The following WRN variants were observed in gnomAD, a reference collection of about 807,000 sequenced individuals.
WRN encodes the protein WRN RecQ like helicase.
A neutral mutation model predicts 180.7 loss-of-function variants in WRN; 149 were observed. That is an observed-to-expected ratio of 0.82 (90% CI 0.72 to 0.94). WRN has a LOEUF of 0.94. WRN is among the 40% of genes least tolerant of loss of function. The pLI is 0.00. For missense variants in WRN, 1,661 were observed against 1,700.1 expected, an observed-to-expected ratio of 0.98 and a Z score of 0.40; for synonymous variants, 548 against 568.9, an observed-to-expected ratio of 0.96 and a Z score of 0.52.
At chr8:31,036,341 C>T (rs1811452111) in intron 1 of WRN, among the ~76,000 whole-genome samples, 1 of 152,184 alleles carries the variant, frequency 6.6e-6, no homozygotes, top group South Asian at 2.1e-4. Flanking sequence ...GTGCAGATAG[C>T]TCTTTGACAT....
chr8:31,117,301 C>T (rs1471962910), intron 20 of WRN, among the ~76,000 whole-genome samples: 3 of 151,726 alleles, frequency 2.0e-5, no homozygotes, highest in Non-Finnish European at 2.9e-5. Context: ...CTTGGAGTGC[C>T]GCAGAATCAT....
intron 21 of WRN, 44 bp from the exon 22 acceptor site, chr8:31,124,478 G>T: frequency 3.5e-6 from 5 of 1,410,432 alleles, no homozygotes; most frequent in South Asian, 2.4e-5. Flanking sequence ...TAAGAAAGTT[G>T]CCAATACAGT....
At chr8:31,079,913 T>G (rs1813233531) in intron 8 of WRN, among the ~76,000 whole-genome samples, 1 of 152,150 alleles carries the variant, frequency 6.6e-6, no homozygotes, top group Admixed American at 6.5e-5. Flanking sequence ...ATTGCTCTTG[T>G]CGCCCAGGCT....
chr8:31,046,535 C>T (rs534292119), intron 1 of WRN, among the ~76,000 whole-genome samples: 4 of 152,270 alleles, frequency 2.6e-5, no homozygotes, highest in East Asian at 3.9e-4. Context: ...CTACTTCAAG[C>T]CTCTGTTTCT....
chr8:31,168,372 T>G (rs1351060251), intron 34 of WRN, among the ~76,000 whole-genome samples: 1 of 152,164 alleles, frequency 6.6e-6, no homozygotes, highest in Non-Finnish European at 1.5e-5. Flanking sequence ...ACGGTGTAAC[T>G]TACTATTTTT....
chr8:31,069,794 T>A (rs1229134235), intron 7 of WRN, among the ~76,000 whole-genome samples: 1 of 152,144 alleles, frequency 6.6e-6, no homozygotes, highest in Admixed American at 6.5e-5. Flanking sequence ...AAACAGTATA[T>A]AAGAACTTAC....
rs1804234024 is a variant in WRN at position 31,174,904 on chromosome 8, TTC to T, written c.*1804_*1805del. ...TCTTTCTCTCTCTCTCTCTCTTTCT[TTC>T]TTTTTCTTTCTCTTTTTCTTTCTTT... On this transcript the variant is annotated 3_prime_UTR_variant, in exon 35 of 35. Transcript: ENST00000298139. Among the ~76,000 whole-genome samples, 1 of 148,650 alleles carries T rather than the reference TTC, an allele frequency of 6.7e-6. No individual in the cohort carries two copies. Among genetic ancestry groups the T allele is most frequent in the African/African-American group, 2.5e-5 (1 of 40,418 alleles).
intron 1 of WRN, among the ~76,000 whole-genome samples, chr8:31,038,168 T>C (rs1254692049): frequency 6.6e-6 from 1 of 152,184 alleles, no homozygotes; most frequent in Admixed American, 6.5e-5. Flanking sequence ...TTTAAGGAAC[T>C]GCTAAAACTG....
chr8:31,136,689 A>G (rs1165657133), intron 24 of WRN, among the ~76,000 whole-genome samples: 2 of 152,110 alleles, frequency 1.3e-5, no homozygotes, highest in Admixed American at 6.6e-5. Context: ...AAATTTAAAA[A>G]TTAGCTGAGT....
intron 33 of WRN, among the ~76,000 whole-genome samples, chr8:31,158,930 A>G (rs778196538): frequency 3.9e-5 from 6 of 152,138 alleles, no homozygotes; most frequent in Non-Finnish European, 7.3e-5. Flanking sequence ...TGTCAATGTC[A>G]TGTTTGAAAT....
intron 19 of WRN, 142 bp from the exon 20 acceptor site, chr8:31,116,212 A>G (rs941964831): frequency 4.8e-6 from 4 of 825,048 alleles, no homozygotes; most frequent in Non-Finnish European, 5.6e-6. Context: ...GCACTTAAAT[A>G]TATCATTATT....
intron 1 of WRN, among the ~76,000 whole-genome samples, chr8:31,055,390 A>G (rs571273152): frequency 6.6e-6 from 1 of 152,266 alleles, no homozygotes; most frequent in South Asian, 2.1e-4. Context: ...CTATTTCTCC[A>G]TAGCCTTGCC....
intron 1 of WRN, among the ~76,000 whole-genome samples, chr8:31,041,132 C>G (rs1811638393): frequency 2.0e-5 from 3 of 152,150 alleles, no homozygotes; most frequent in Admixed American, 2.0e-4. Context: ...ATTTCTGTCT[C>G]TGTATCTATG....
intron 24 of WRN, among the ~76,000 whole-genome samples, chr8:31,134,342 A>G (rs1367637611): frequency 6.6e-6 from 1 of 152,224 alleles, no homozygotes; most frequent in Non-Finnish European, 1.5e-5. Flanking sequence ...GAGATAATGT[A>G]TATAAATATA....
At chr8:31,166,052 TTG>T (rs1310804607) in intron 33 of WRN, among the ~76,000 whole-genome samples, 1 of 152,152 alleles carries the variant, frequency 6.6e-6, no homozygotes, top group Non-Finnish European at 1.5e-5. Context: ...TTGTTTTGTT[TTG>T]TTTTTTGCTT....
At chr8:31,115,729 A>T (rs11574299) in intron 19 of WRN, among the ~76,000 whole-genome samples, 1 of 152,336 alleles carries the variant, frequency 6.6e-6, no homozygotes, top group South Asian at 2.1e-4. Flanking sequence ...TGGAAATTGA[A>T]CATTTAAGTT....
chr8:31,168,985 T>G (rs977015168), intron 34 of WRN, among the ~76,000 whole-genome samples: 5 of 152,158 alleles, frequency 3.3e-5, no homozygotes, highest in Non-Finnish European at 5.9e-5. Flanking sequence ...CTTTAAATAT[T>G]TAGTATTCTT....
In WRN at chr8:31,173,150, A is replaced by T; in HGVS notation, c.*48A>T. 6.5e-7 allele frequency: 1 copy of T among 1,529,748 alleles called. No homozygotes were observed. The highest frequency in any genetic ancestry group is 9.0e-7 in the Non-Finnish European group (1 of 1,105,528). 94.8% of individuals were successfully genotyped at this position (1,529,748 alleles called of 1,614,324 possible). ...ATGTTTCTTGCTGTATTATAAGAGG[A>T]TAGCTATATTTTATTTCTGAAGAGT... On this transcript the variant is annotated 3_prime_UTR_variant, in exon 35 of 35. Coordinates refer to ENST00000298139, the MANE Select transcript of WRN (RefSeq NM_000553.6).
chr8:31,169,243 C>G (rs1804013553), intron 34 of WRN, among the ~76,000 whole-genome samples: 1 of 151,220 alleles, frequency 6.6e-6, no homozygotes, highest in East Asian at 1.9e-4. Flanking sequence ...TCTCTTTTAA[C>G]ATAATTGTAT....
Sources: allele counts gnomAD v4.1 joint callset (sites outside exome capture counted in the v4.1 genomes callset), GRCh38; gene constraint gnomAD v4.1.1; transcripts MANE v1.5; gene names NCBI Gene and HGNC (gene_info 2026-07-23, HGNC 2026-07-21).